SUGP2: variants seen among roughly 807,000 people sequenced by gnomAD.
SUGP2 encodes SURP and G-patch domain containing 2.
SUGP2 carries 24 observed loss-of-function variants against 90.5 expected under a neutral mutation model. That is an observed-to-expected ratio of 0.27 (90% CI 0.19 to 0.37). The LOEUF is 0.37. Ranked by LOEUF, SUGP2 falls within the 10% of genes least tolerant of loss-of-function variation. SUGP2 has a pLI of 1.00. For missense variants in SUGP2, 1,233 were observed against 1,363.3 expected, an observed-to-expected ratio of 0.90 and a Z score of 1.51; for synonymous variants, 473 against 513.4, an observed-to-expected ratio of 0.92 and a Z score of 1.06.
intron 5 of SUGP2, among the ~76,000 whole-genome samples, chr19:19,009,135 A>T (rs2058203526): frequency 6.6e-6 from 1 of 151,696 alleles, no homozygotes; most frequent in Non-Finnish European, 1.5e-5. Flanking sequence ...CTGGTTGCGA[A>T]CTCCTGAGCT....
At chr19:19,033,645 G>T, upstream of SUGP2, 1 of 1,024,612 alleles carries the variant, frequency 9.8e-7, no homozygotes, top group Middle Eastern at 4.0e-4. Flanking sequence ...CGCTTCTTCT[G>T]GGCGGACGCT....
intron 4 of SUGP2, among the ~76,000 whole-genome samples, chr19:19,017,574 C>A (rs1361585358): frequency 6.6e-6 from 1 of 151,916 alleles, no homozygotes; most frequent in Non-Finnish European, 1.5e-5. Context: ...GAGTTCAAGA[C>A]CACCCTGGGC....
At chr19:18,995,014 C>G (rs1216126066) in intron 9 of SUGP2, 130 bp downstream of exon 9, 3 of 1,062,414 alleles carry the variant, frequency 2.8e-6, no homozygotes, top group East Asian at 2.6e-5. Flanking sequence ...TCTGAAGATG[C>G]CTTCTGTTTA....
At chr19:19,015,725 G>A (rs1321100761) in intron 4 of SUGP2, among the ~76,000 whole-genome samples, 7 of 152,016 alleles carry the variant, frequency 4.6e-5, no homozygotes, top group Non-Finnish European at 1.0e-4. Flanking sequence ...GGCTGGTCTC[G>A]AACTCCCAAC....
intron 7 of SUGP2, among the ~76,000 whole-genome samples, 178 bp downstream of exon 7, chr19:19,003,990 A>C (rs1218932981): frequency 6.6e-6 from 1 of 152,244 alleles, no homozygotes; most frequent in Non-Finnish European, 1.5e-5. Context: ...GTAGCAAGGA[A>C]ACATGTCCTT....
intron 3 of SUGP2, among the ~76,000 whole-genome samples, chr19:19,019,679 C>T (rs1020387782): frequency 6.6e-6 from 1 of 150,490 alleles, no homozygotes; most frequent in Non-Finnish European, 1.5e-5. Context: ...AGAAAGAAGA[C>T]TATAAGGAAA....
intron 4 of SUGP2, among the ~76,000 whole-genome samples, chr19:19,017,663 T>C (rs998279982): frequency 1.3e-5 from 2 of 152,000 alleles, no homozygotes; most frequent in African/African-American, 4.8e-5. Context: ...TCCCAGTTAC[T>C]TGGGAGGCTG....
Position 18,993,349 on chromosome 19 carries a change from C to G in SUGP2, c.*392G>C, listed in dbSNP as rs1047133418. ...ACCATCTGTGATCGTTTCCACATCACGTTTGCTAACAGAGCACTTCTGGAG... is the reference window on the plus strand; with the variant it reads ...ACCATCTGTGATCGTTTCCACATCAGGTTTGCTAACAGAGCACTTCTGGAG... On this transcript the variant is annotated 3_prime_UTR_variant, in exon 11 of 11. Transcript: ENST00000452918. 5.3e-5 allele frequency: 8 copies of G among 152,152 alleles called. No individual in the cohort carries two copies. The highest frequency in any genetic ancestry group is 1.0e-4 in the Non-Finnish European group (7 of 68,034). The allele number at this position is 152,152 out of a possible 1,614,324, so 9.4% of individuals were successfully genotyped here. A position where few individuals can be genotyped will look rare whatever the true frequency, so the allele number is the denominator to read the frequency against.
rs756587876 is a variant in SUGP2 at position 19,026,167 on chromosome 19, C to T, written c.181G>A (p.Gly61Ser). The T allele has an allele frequency of 7.4e-6, 12 of 1,613,318 alleles. No individual in the cohort carries two copies. The highest frequency in any genetic ancestry group is 1.6e-4 in the Middle Eastern group (1 of 6,082). ...ACAGATCCACTGAGGGAGTATCTGC[C>T]ATCGCTGTGGACGTCATCATACATC... ...AEMYDDVHSD[G>S]RYSLSGSVAH... The change falls in exon 3 of 11, where the codon GGC (glycine) becomes AGC (serine). Residue 61 changes from glycine (G) to serine (S), a missense_variant. Physicochemically the swap from Gly to Ser is moderately conservative, Grantham distance 56. Transcript: ENST00000452918.
intron 2 of SUGP2, among the ~76,000 whole-genome samples, chr19:19,029,596 A>G (rs943457859): frequency 7.0e-6 from 1 of 142,134 alleles, no homozygotes; most frequent in Admixed American, 7.1e-5. Flanking sequence ...CCACAACCAC[A>G]CCTGGCTAAT....
chr19:19,004,625 A>T lies in SUGP2; in HGVS notation c.2472T>A (p.Ser824Arg), dbSNP rs1225223099. 5 of 1,609,930 alleles carry T rather than the reference A, an allele frequency of 3.1e-6. No homozygotes were observed. The highest frequency in any genetic ancestry group is 4.2e-6 in the Non-Finnish European group (5 of 1,177,336). Reference sequence around the variant, plus strand: ...TCTTTCGATAGAATTTGAAAGCAGAACTATTTTGGTCATGTAGAAACCTGG... The same window carrying T: ...TCTTTCGATAGAATTTGAAAGCAGATCTATTTTGGTCATGTAGAAACCTGG... ...PDLWFLHDQN[S>R]SAFKFYRKKV... The change falls in exon 7 of 11, where the codon AGT becomes AGA. Residue 824 changes from serine (S) to arginine (R), a missense_variant. Ser to Arg is a moderately radical substitution (Grantham distance 110, BLOSUM62 -1). Transcript: ENST00000452918.
At chr19:19,031,147 C>T in intron 1 of SUGP2, 65 bp from the exon 2 acceptor site, 2 of 1,540,966 alleles carry the variant, frequency 1.3e-6, no homozygotes, top group Non-Finnish European at 1.7e-6. Flanking sequence ...GTGGCTCATA[C>T]CTGTAATCCT....
Position 19,025,576 on chromosome 19 carries a change from CGGTGG to C in SUGP2, c.767_771del (p.Pro256ArgfsTer12). The C allele has an allele frequency of 6.2e-7, 1 of 1,614,050 alleles. No homozygotes were observed. ...TGAGTTTTGGGAGTAATACGATTCA[CGGTGG>C]GTATTTTTTTTGTGCTCACATTTCT... On this transcript the variant is annotated frameshift_variant, in exon 3 of 11. Transcript: ENST00000452918. LOFTEE classifies it high-confidence loss of function.
intron 8 of SUGP2, among the ~76,000 whole-genome samples, chr19:18,995,975 A>G (rs567331792): frequency 6.6e-6 from 1 of 151,650 alleles, no homozygotes; most frequent in Non-Finnish European, 1.5e-5. Flanking sequence ...CTGGAGGAGG[A>G]GCCTGCAGGG....
At chr19:19,017,939 T>C (rs1286125963) in intron 4 of SUGP2, among the ~76,000 whole-genome samples, 1 of 151,732 alleles carries the variant, frequency 6.6e-6, no homozygotes, top group Non-Finnish European at 1.5e-5. Flanking sequence ...TTTTTTTTTT[T>C]TTTTTAAGAG....
chr19:19,021,159 C>CAAAAAAAAAAAA (rs386388689), intron 3 of SUGP2, among the ~76,000 whole-genome samples: 10 of 66,930 alleles, frequency 1.5e-4, no homozygotes, highest in Middle Eastern at 0.011. Context: ...AATTCCATCT[C>CAAAAAAAAAAAA]AAAAAAAAAA....
intron 4 of SUGP2, among the ~76,000 whole-genome samples, chr19:19,016,056 T>C (rs997603938): frequency 7.2e-5 from 11 of 152,208 alleles, no homozygotes; most frequent in African/African-American, 2.4e-4. Context: ...CTCTTTCTCA[T>C]AGTGACTCTG....
intron 4 of SUGP2, among the ~76,000 whole-genome samples, chr19:19,012,511 T>C (rs1006070055): frequency 6.6e-6 from 1 of 152,210 alleles, no homozygotes; most frequent in Non-Finnish European, 1.5e-5. Context: ...AACAAGCCAG[T>C]CTGCTGGCTT....
At chr19:18,996,802 C>T (rs1239771503) in intron 8 of SUGP2, among the ~76,000 whole-genome samples, 4 of 152,166 alleles carry the variant, frequency 2.6e-5, no homozygotes, top group African/African-American at 7.2e-5. Context: ...CTGATCTGCC[C>T]GCCTCAGCCT....
Sources: allele counts gnomAD v4.1 joint callset (sites outside exome capture counted in the v4.1 genomes callset), GRCh38; gene constraint gnomAD v4.1.1; transcripts MANE v1.5; gene names NCBI Gene and HGNC (gene_info 2026-07-23, HGNC 2026-07-21).